IRAK3: variants seen among roughly 807,000 people sequenced by gnomAD.
IRAK3 encodes the protein interleukin 1 receptor associated kinase 3.
A neutral mutation model predicts 56.6 loss-of-function variants in IRAK3; 57 were observed. The observed-to-expected ratio is 1.01, with a 90% CI of 0.81 to 1.26. The LOEUF is 1.26. IRAK3 is among the 50% of genes most tolerant of loss of function. The pLI, the probability that IRAK3 is intolerant of heterozygous loss-of-function variation, is 0.00. For synonymous variants in IRAK3, 258 were observed against 255.7 expected, an observed-to-expected ratio of 1.01 and a Z score of -0.09; for missense variants, 703 against 719.0, an observed-to-expected ratio of 0.98 and a Z score of 0.25.
intron 1 of IRAK3, chr12:66,197,100 T>C (rs999979765): frequency 7.5e-6 from 10 of 1,324,756 alleles, no homozygotes; most frequent in Non-Finnish European, 9.6e-6. Flanking sequence ...ATCTGATTTC[T>C]GAACTTCTTA....
chr12:66,196,701 T>C (rs1168772), intron 1 of IRAK3: 23,619 of 180,370 alleles, frequency 0.13, 2,363 homozygotes, highest in East Asian at 0.43. Flanking sequence ...ATATATTAAC[T>C]AGTAAGTGTT....
intron 5 of IRAK3, among the ~76,000 whole-genome samples, chr12:66,215,782 A>C (rs2052664953): frequency 3.5e-5 from 1 of 28,428 alleles, no homozygotes; most frequent in African/African-American, 1.1e-4. Context: ...TTTTAACCCA[A>C]CATGCACACA....
At chr12:66,227,602 TAAACAAAC>T (rs68037430) in intron 7 of IRAK3, among the ~76,000 whole-genome samples, 63,383 of 150,810 alleles carry the variant, frequency 0.42, 16,027 homozygotes, top group Non-Finnish European at 0.54. Flanking sequence ...AATAAATAAA[TAAACAAAC>T]AAACTGCTGG....
rs764699734 is a variant in IRAK3, at chr12:66,244,648, A to T, written c.1050A>T (p.Lys350Asn). Reference sequence around the variant, plus strand: ...CAGAAGAGTACATCAGACAGGGGAAACTTTCCATTAAAACAGATGTCTACA... The same window carrying T: ...CAGAAGAGTACATCAGACAGGGGAATCTTTCCATTAAAACAGATGTCTACA... ...YMPEEYIRQG[K>N]LSIKTDVYSF... Residue 350 changes from lysine (K) to asparagine (N), a missense_variant, in exon 9 of 12, where the codon AAA (lysine) becomes AAT (asparagine). Lys to Asn is a moderately conservative substitution (Grantham distance 94). Coordinates refer to ENST00000261233, the MANE Select transcript of IRAK3 (RefSeq NM_007199.3). The T allele has an allele frequency of 6.2e-7, 1 of 1,614,070 alleles. No individual in the cohort carries two copies. The highest frequency in any genetic ancestry group is 8.5e-7 in the Non-Finnish European group (1 of 1,179,970).
At chr12:66,234,218 G>A (rs1565809548) in intron 8 of IRAK3, 19 of 1,613,846 alleles carry the variant, frequency 1.2e-5, no homozygotes, top group Non-Finnish European at 1.5e-5. Context: ...CATAGCTGAC[G>A]TTGCAGGCAT....
intron 6 of IRAK3, among the ~76,000 whole-genome samples, chr12:66,224,654 T>C (rs1195452603): frequency 6.6e-6 from 1 of 152,214 alleles, no homozygotes; most frequent in Non-Finnish European, 1.5e-5. Flanking sequence ...GCTTTTGGCT[T>C]AACCTTTTAT....
intron 1 of IRAK3, among the ~76,000 whole-genome samples, chr12:66,195,273 C>A (rs983137472): frequency 1.3e-5 from 2 of 152,206 alleles, no homozygotes; most frequent in Admixed American, 6.5e-5. Flanking sequence ...GCCACCGTAA[C>A]CATCTTGGCA....
chr12:66,208,769 A>G (rs1240123006), intron 2 of IRAK3, among the ~76,000 whole-genome samples: 1 of 151,114 alleles, frequency 6.6e-6, no homozygotes, highest in Non-Finnish European at 1.5e-5. Context: ...TCAAAAAAAA[A>G]AGAAAAAAGG....
intron 8 of IRAK3, 78 bp from the exon 9 acceptor site, chr12:66,244,408 G>A (rs757568643): frequency 6.2e-5 from 63 of 1,012,026 alleles, no homozygotes; most frequent in Non-Finnish European, 9.3e-5. Flanking sequence ...TATGAAGAAG[G>A]TGAGTTTATA....
intron 1 of IRAK3, among the ~76,000 whole-genome samples, chr12:66,203,084 T>C (rs540090591): frequency 6.6e-6 from 1 of 152,160 alleles, no homozygotes; most frequent in Non-Finnish European, 1.5e-5. Context: ...ATTGTAGTAA[T>C]AATTGTGATA....
Position 66,228,166 on chromosome 12 carries a change from C to G in IRAK3, c.769-86C>G, listed in dbSNP as rs182959285. The G allele has an allele frequency of 6.2e-4, 600 of 972,548 alleles. 2 individuals are homozygous for G. In the African/African-American group the frequency reaches 8.6e-3, roughly 14 times the overall value. The allele number at this position is 972,548 out of a possible 1,614,324, so 60.2% of individuals were successfully genotyped here. A position where few individuals can be genotyped will look rare whatever the true frequency, so the allele number is the denominator to read the frequency against. On this transcript the variant is annotated intron_variant, in intron 7 of 11. Coordinates refer to ENST00000261233, the MANE Select transcript of IRAK3 (RefSeq NM_007199.3). ...CCTCACCCCACCTTGCTATCTACTT[C>G]TATTCTGGTGTATGTCTGCATAATG...
chr12:66,221,286 T>C (rs1241876132), intron 6 of IRAK3, among the ~76,000 whole-genome samples: 2 of 152,240 alleles, frequency 1.3e-5, no homozygotes, highest in Non-Finnish European at 2.9e-5. Flanking sequence ...TTTTGGGTTT[T>C]CATCATGTCA....
chr12:66,245,944 C>CTG (rs1209765202), intron 11 of IRAK3, among the ~76,000 whole-genome samples: 1 of 152,008 alleles, frequency 6.6e-6, no homozygotes, highest in Non-Finnish European at 1.5e-5. Context: ...AATGCCTACT[C>CTG]TGTGTGTGCC....
Position 66,218,980 on chromosome 12 carries a change from T to C in IRAK3, c.653+1745T>C, listed in dbSNP as rs184725843. ...GCATAATGTCTTCCAGGTTCATCCA[T>C]GTTGTTGGAAATGGCAGGATTTTCT... On this transcript the variant is annotated intron_variant, in intron 6 of 11. Transcript: ENST00000261233. Among the ~76,000 whole-genome samples the C allele has an allele frequency of 2.2e-3, 340 of 152,310 alleles. 3 individuals are homozygous for C. Among genetic ancestry groups the C allele is most frequent in the Non-Finnish European group, 2.1e-3 (140 of 68,016 alleles).
intron 6 of IRAK3, among the ~76,000 whole-genome samples, chr12:66,218,693 A>T (rs1383158420): frequency 6.6e-6 from 1 of 152,238 alleles, no homozygotes; most frequent in East Asian, 1.9e-4. Context: ...TTTGATATAC[A>T]GTATGTACAC....
intron 6 of IRAK3, among the ~76,000 whole-genome samples, chr12:66,218,884 G>T (rs558545492): frequency 6.6e-6 from 1 of 152,202 alleles, no homozygotes; most frequent in South Asian, 2.1e-4. Context: ...CTCTACGTTT[G>T]ACTTTTTTAG....
chr12:66,205,758 G>A (rs550767212), intron 2 of IRAK3, among the ~76,000 whole-genome samples: 2 of 152,194 alleles, frequency 1.3e-5, no homozygotes, highest in African/African-American at 4.8e-5. Context: ...AGAAGAATTT[G>A]GGGCTTTTAT....
At chr12:66,227,533 T>G (rs1034395772) in intron 7 of IRAK3, among the ~76,000 whole-genome samples, 1 of 151,960 alleles carries the variant, frequency 6.6e-6, no homozygotes, top group African/African-American at 2.4e-5. Flanking sequence ...GAGCCGAGAT[T>G]GCACCATTGC....
At chr12:66,218,248 C>T (rs2052697424) in intron 6 of IRAK3, among the ~76,000 whole-genome samples, 1 of 152,164 alleles carries the variant, frequency 6.6e-6, no homozygotes, top group Admixed American at 6.5e-5. Flanking sequence ...GACATGAACA[C>T]ATTGTACACA....
Sources: allele counts gnomAD v4.1 joint callset (sites outside exome capture counted in the v4.1 genomes callset), GRCh38; gene constraint gnomAD v4.1.1; transcripts MANE v1.5; gene names NCBI Gene and HGNC (gene_info 2026-07-23, HGNC 2026-07-21).